STOX2: variants seen among roughly 807,000 people sequenced by gnomAD.
The protein encoded by STOX2 is storkhead box 2.
In STOX2, 28 loss-of-function variants were observed where a neutral mutation model predicts 60.9. The ratio of observed to expected loss-of-function variants is 0.46; its 90% CI spans 0.34 to 0.63. The LOEUF (loss-of-function observed/expected upper bound fraction) is 0.63. Among genes scored for constraint, STOX2 ranks in the 30% least tolerant of loss-of-function variants. The pLI is 0.01. For synonymous variants in STOX2, 472 were observed against 463.9 expected (o/e 1.02, Z -0.22); for missense variants, 1,024 against 1,187.7 (o/e 0.86, Z 2.03).
At chr4:183,798,698 G>T in intron 1 of STOX2, 1 of 985,348 alleles carries the variant, frequency 1.0e-6, no homozygotes, top group Non-Finnish European at 1.2e-6. Flanking sequence ...CAAAGAGGCC[G>T]GAGGAAAAAA....
chr4:183,851,953 CGAT>C (rs762873406), intron 1 of STOX2, among the ~76,000 whole-genome samples: 1 of 16,924 alleles, frequency 5.9e-5, no homozygotes, highest in East Asian at 2.4e-3. Flanking sequence ...ATGAGGGAAA[CGAT>C]GAGGGAAAGG....
intron 1 of STOX2, among the ~76,000 whole-genome samples, chr4:183,842,005 C>T (rs146901169): frequency 3.1e-4 from 47 of 152,352 alleles, no homozygotes; most frequent in East Asian, 9.6e-4. Flanking sequence ...TGAATTTCCT[C>T]ATATAATCCC....
chr4:183,869,308 C>T (rs763861621), intron 1 of STOX2, among the ~76,000 whole-genome samples: 3 of 152,126 alleles, frequency 2.0e-5, no homozygotes, highest in Non-Finnish European at 4.4e-5. Flanking sequence ...AACTGACTGT[C>T]ATTGAGAGCT....
chr4:183,982,870 G>A (rs902121308), intron 1 of STOX2, among the ~76,000 whole-genome samples: 2 of 141,988 alleles, frequency 1.4e-5, no homozygotes, highest in African/African-American at 4.9e-5. Context: ...CCTTGCCTCA[G>A]TAATTATCTT....
intron 1 of STOX2, among the ~76,000 whole-genome samples, chr4:183,916,282 C>T (rs1295275221): frequency 6.6e-6 from 1 of 152,154 alleles, no homozygotes; most frequent in East Asian, 1.9e-4. Context: ...GGTCTCCAGC[C>T]CTCCCTGGAA....
At chr4:183,976,657 C>T (rs1045860290) in intron 1 of STOX2, among the ~76,000 whole-genome samples, 8 of 152,148 alleles carry the variant, frequency 5.3e-5, no homozygotes, top group African/African-American at 1.9e-4. Flanking sequence ...ACCTCAGTGG[C>T]ATGCAATATA....
At chr4:183,951,444 C>CTTT (rs1163579369) in intron 1 of STOX2, among the ~76,000 whole-genome samples, 159 of 66,500 alleles carry the variant, frequency 2.4e-3, no homozygotes, top group East Asian at 0.014. Context: ...CTCTCTCTCT[C>CTTT]TTTTTTTTTT....
intron 1 of STOX2, among the ~76,000 whole-genome samples, chr4:183,828,882 G>T (rs1739496221): frequency 6.6e-6 from 1 of 152,190 alleles, no homozygotes; most frequent in South Asian, 2.1e-4. Context: ...ACTAGACAGA[G>T]AATCATGGGT....
At chr4:183,964,315 G>C (rs1743499178) in intron 1 of STOX2, among the ~76,000 whole-genome samples, 1 of 152,110 alleles carries the variant, frequency 6.6e-6, no homozygotes, top group Admixed American at 6.5e-5. Flanking sequence ...CTTCCCCTAT[G>C]GTGCATTTTA....
chr4:183,800,895 C>T (rs1315414154), intron 1 of STOX2, among the ~76,000 whole-genome samples: 1 of 152,208 alleles, frequency 6.6e-6, no homozygotes, highest in Non-Finnish European at 1.5e-5. Context: ...CAACCCAGAG[C>T]AGAGAGGCTC....
chr4:183,805,091 G>A (rs555612041), intron 1 of STOX2, among the ~76,000 whole-genome samples: 5 of 152,268 alleles, frequency 3.3e-5, no homozygotes, highest in African/African-American at 9.6e-5. Context: ...GTAAAAACCC[G>A]GGAAAGTTCG....
chr4:183,885,729 G>T (rs1288074172), intron 1 of STOX2, among the ~76,000 whole-genome samples: 1 of 152,198 alleles, frequency 6.6e-6, no homozygotes, highest in Non-Finnish European at 1.5e-5. Context: ...TGCTCTTACT[G>T]TGGGCTTTGC....
At chr4:183,961,195 C>T (rs767446890) in intron 1 of STOX2, among the ~76,000 whole-genome samples, 3 of 152,146 alleles carry the variant, frequency 2.0e-5, no homozygotes, top group Admixed American at 2.0e-4. Flanking sequence ...TCTGGTTCAT[C>T]GTGTCACAAA....
chr4:183,998,705 C>A, intron 1 of STOX2, among the ~76,000 whole-genome samples: 1 of 152,144 alleles, frequency 6.6e-6, no homozygotes, highest in African/African-American at 2.4e-5. Context: ...GCATGCCTGG[C>A]TAATTTTTGT....
Position 183,950,921 on chromosome 4 carries a change from A to T in STOX2, c.166+43965A>T, listed in dbSNP as rs193154507. ...CATGAAGTCCCTAGTTTGTTTAAGA[A>T]GGACAGTAGTGCGGCCGGGCGCGGT... On this transcript the variant is annotated intron_variant, in intron 1 of 3. Transcript: ENST00000308497. Among the ~76,000 whole-genome samples, 626 of 152,286 alleles carry T rather than the reference A, an allele frequency of 4.1e-3. 6 individuals are homozygous for T. Among genetic ancestry groups the T allele is most frequent in the African/African-American group, 0.014 (587 of 41,552 alleles).
chr4:183,818,800 C>T lies in STOX2; in HGVS notation c.364+20745C>T, dbSNP rs370098422. Among the ~76,000 whole-genome samples the T allele has an allele frequency of 5.7e-4, 86 of 151,622 alleles. No homozygotes were observed. The East Asian group carries it at 8.5e-3, about 15-fold the overall frequency. ...CCCACCTCCCAGACGGGGTGGCTGC[C>T]GGGCGGAGGGGCTCCTCACCTCCCA... On this transcript the variant is annotated intron_variant, in intron 1 of 2. Transcript: ENST00000513034.
rs942824008 is a variant in STOX2, at chr4:184,000,834, C to T, written c.167-491C>T. Among the ~76,000 whole-genome samples the T allele has an allele frequency of 2.6e-5, 4 of 152,238 alleles. No homozygotes were observed. The East Asian group carries it at 7.7e-4, about 29-fold the overall frequency. On this transcript the variant is annotated intron_variant, in intron 1 of 3. Transcript: ENST00000308497. ...GTTCGATCTACTTGTCTGTCTTCTC[C>T]ACTTAAATAGAAACTGAGGGCAGAG...
At chr4:183,847,315 G>A (rs1740010986) in intron 1 of STOX2, among the ~76,000 whole-genome samples, 1 of 152,176 alleles carries the variant, frequency 6.6e-6, no homozygotes, top group South Asian at 2.1e-4. Flanking sequence ...ATATGGAAAA[G>A]TATGTAACTC....
chr4:183,831,059 G>C (rs989984008), intron 1 of STOX2, among the ~76,000 whole-genome samples: 1 of 151,948 alleles, frequency 6.6e-6, no homozygotes, highest in Admixed American at 6.6e-5. Flanking sequence ...ACATGGGACC[G>C]AACTCCGGGC....
Sources: allele counts gnomAD v4.1 joint callset (sites outside exome capture counted in the v4.1 genomes callset), GRCh38; gene constraint gnomAD v4.1.1; transcripts MANE v1.5; gene names NCBI Gene and HGNC (gene_info 2026-07-23, HGNC 2026-07-21).